CDH12: variants seen among roughly 807,000 people sequenced by gnomAD.
The protein encoded by CDH12 is cadherin-12.
CDH12 carries 41 observed loss-of-function variants against 74.1 expected under a neutral mutation model. That is an observed-to-expected ratio of 0.55 (90% CI 0.43 to 0.72). The LOEUF is 0.72. Among genes scored for constraint, CDH12 ranks in the 30% least tolerant of loss-of-function variants. The probability of loss-of-function intolerance (pLI) is 0.00; values close to 1 mark genes in which losing one functional copy is unlikely to be tolerated. For synonymous variants in CDH12, 399 were observed against 355.0 expected (o/e 1.12, Z -1.39); for missense variants, 945 against 977.2 (o/e 0.97, Z 0.44).
chr5:21,760,705 A>G, intron 12 of CDH12, 30 bp from the exon 13 acceptor site: 1 of 1,332,024 alleles, frequency 7.5e-7, no homozygotes, highest in Non-Finnish European at 1.1e-6. Context: ...AAAGTCGGTC[A>G]TCAGTTTCAA....
chr5:22,070,292 T>C (rs1182041973), intron 5 of CDH12, among the ~76,000 whole-genome samples: 1 of 152,156 alleles, frequency 6.6e-6, no homozygotes, highest in Non-Finnish European at 1.5e-5. Context: ...TATATTCTGC[T>C]AGAAGTATGA....
intron 1 of CDH12, among the ~76,000 whole-genome samples, chr5:22,550,327 T>C (rs758078046): frequency 6.6e-6 from 1 of 152,134 alleles, no homozygotes; most frequent in African/African-American, 2.4e-5. Context: ...CTGACTGCAT[T>C]TCCCATTGCC....
At chr5:22,203,960 A>G (rs1305969331) in intron 4 of CDH12, among the ~76,000 whole-genome samples, 2 of 152,202 alleles carry the variant, frequency 1.3e-5, no homozygotes, top group Non-Finnish European at 2.9e-5. Context: ...GCAAAAATAG[A>G]TAAATGGGAT....
At chr5:22,319,661 T>C (rs1399673537) in intron 3 of CDH12, among the ~76,000 whole-genome samples, 1 of 152,136 alleles carries the variant, frequency 6.6e-6, no homozygotes, top group Non-Finnish European at 1.5e-5. Context: ...TTTTCAAACA[T>C]ATGGGCAAAT....
At chr5:22,371,163 G>A (rs1472009232) in intron 3 of CDH12, among the ~76,000 whole-genome samples, 1 of 152,000 alleles carries the variant, frequency 6.6e-6, no homozygotes, top group Non-Finnish European at 1.5e-5. Flanking sequence ...TTAATTTCTG[G>A]AAAATTTAGT....
At chr5:22,839,425 C>T (rs1330464787) in intron 1 of CDH12, among the ~76,000 whole-genome samples, 1 of 140,510 alleles carries the variant, frequency 7.1e-6, no homozygotes, top group African/African-American at 2.7e-5. Context: ...ATGGTGCTAT[C>T]TCGGCTCACT....
In CDH12 at chr5:21,902,545, A is replaced by C. The variant is rs190272559; in HGVS notation, c.527-47755T>G. On this transcript the variant is annotated intron_variant, in intron 6 of 14. Coordinates refer to ENST00000382254, the MANE Select transcript of CDH12 (RefSeq NM_004061.5). The stretch of plus-strand genomic sequence containing the variant: ...ATATCTGAGAAGCTCTGTCTTCCAT[A>C]TAATCAGAAAGAGTTAAAAGAGAAT... Among the ~76,000 whole-genome samples, 884 of 151,200 alleles carry C rather than the reference A, an allele frequency of 5.8e-3. 9 individuals are homozygous for C. Among genetic ancestry groups the C allele is most frequent in the African/African-American group, 0.02 (828 of 41,186 alleles).
chr5:22,437,698 T>G (rs913537534), intron 2 of CDH12, among the ~76,000 whole-genome samples: 2 of 152,030 alleles, frequency 1.3e-5, no homozygotes, highest in South Asian at 4.1e-4. Context: ...AAATCTTTGT[T>G]GCTAAGGACT....
At chr5:22,160,152 C>CT (rs1748252813) in intron 4 of CDH12, among the ~76,000 whole-genome samples, 1 of 152,142 alleles carries the variant, frequency 6.6e-6, no homozygotes, top group African/African-American at 2.4e-5. Flanking sequence ...AATAGGGTAT[C>CT]CACCATCTGA....
At chr5:21,915,718 T>G (rs1754055127) in intron 6 of CDH12, among the ~76,000 whole-genome samples, 1 of 151,822 alleles carries the variant, frequency 6.6e-6, no homozygotes, top group African/African-American at 2.4e-5. Context: ...AGTAATGGTG[T>G]AGGGTATGGA....
At chr5:22,302,839 G>A (rs751247282) in intron 3 of CDH12, among the ~76,000 whole-genome samples, 1 of 151,958 alleles carries the variant, frequency 6.6e-6, no homozygotes, top group Non-Finnish European at 1.5e-5. Flanking sequence ...CACTAGGAAC[G>A]TAAAACTGAT....
chr5:22,080,109 C>T (rs145040315), intron 4 of CDH12, among the ~76,000 whole-genome samples: 5 of 151,942 alleles, frequency 3.3e-5, no homozygotes, highest in Non-Finnish European at 5.9e-5. Flanking sequence ...TTCTAAAGGC[C>T]GAAAACGTTG....
intron 5 of CDH12, among the ~76,000 whole-genome samples, chr5:22,011,197 T>C (rs946914814): frequency 2.0e-5 from 3 of 152,114 alleles, no homozygotes; most frequent in African/African-American, 4.8e-5. Flanking sequence ...CCATTTTCTC[T>C]GGATACTGGA....
At chr5:22,153,858 G>GTATA (rs1208832724) in intron 4 of CDH12, among the ~76,000 whole-genome samples, 5 of 103,262 alleles carry the variant, frequency 4.8e-5, no homozygotes, top group African/African-American at 2.0e-4. Context: ...ATGTGTGTGT[G>GTATA]TATATATATA....
chr5:21,835,739 A>C (rs1203072103), intron 8 of CDH12, among the ~76,000 whole-genome samples: 1 of 151,812 alleles, frequency 6.6e-6, no homozygotes, highest in Non-Finnish European at 1.5e-5. Context: ...ATTTCTTTAA[A>C]AAAAAGACCT....
intron 6 of CDH12, among the ~76,000 whole-genome samples, chr5:21,927,101 A>C (rs1484988449): frequency 6.6e-6 from 1 of 152,182 alleles, no homozygotes; most frequent in Non-Finnish European, 1.5e-5. Flanking sequence ...GCCACAGTAC[A>C]CTGTCGTAAT....
chr5:21,904,516 C>A (rs1285355826), intron 6 of CDH12, among the ~76,000 whole-genome samples: 1 of 152,118 alleles, frequency 6.6e-6, no homozygotes, highest in African/African-American at 2.4e-5. Flanking sequence ...TGTCTGTAAT[C>A]CCAGCACTTT....
intron 2 of CDH12, among the ~76,000 whole-genome samples, chr5:22,419,927 G>A (rs756042232): frequency 6.6e-6 from 1 of 152,034 alleles, no homozygotes; most frequent in South Asian, 2.1e-4. Context: ...TCTCATGTTT[G>A]TTGGCCACAT....
intron 8 of CDH12, among the ~76,000 whole-genome samples, chr5:21,824,324 A>G (rs557671387): frequency 6.6e-6 from 1 of 152,138 alleles, no homozygotes; most frequent in South Asian, 2.1e-4. Context: ...CTGGAGCTGC[A>G]CAGTGCACTT....
Sources: allele counts gnomAD v4.1 joint callset (sites outside exome capture counted in the v4.1 genomes callset), GRCh38; gene constraint gnomAD v4.1.1; transcripts MANE v1.5; gene names NCBI Gene and HGNC (gene_info 2026-07-23, HGNC 2026-07-21).